The following POTEF variants were observed in gnomAD, a reference collection of about 807,000 sequenced individuals.
POTEF encodes the protein ANKRD26-like family C member 1B.
POTEF carries 20 observed loss-of-function variants against 83.2 expected under a neutral mutation model. That is an observed-to-expected ratio of 0.24 (90% CI 0.17 to 0.35). The LOEUF is 0.35. Among genes scored for constraint, POTEF ranks in the 10% least tolerant of loss-of-function variants. POTEF has a pLI of 1.00. For missense variants in POTEF, 550 were observed against 1,203.2 expected (o/e 0.46, Z 8.03); for synonymous variants, 196 against 446.4 (o/e 0.44, Z 7.07).
chr2:130,110,452 A>G, intron 7 of POTEF, 91 bp downstream of exon 7: 2 of 1,568,280 alleles, frequency 1.3e-6, no homozygotes, highest in South Asian at 2.4e-5. Flanking sequence ...GAACCAAACT[A>G]TGACATCTCA....
At chr2:130,122,053 T>C (rs926572927) in intron 2 of POTEF, among the ~76,000 whole-genome samples, 1 of 151,556 alleles carries the variant, frequency 6.6e-6, no homozygotes, top group African/African-American at 2.4e-5. Flanking sequence ...TTCTGGACAT[T>C]TCATGTAAGT....
chr2:130,109,008 G>A (rs1487926332), intron 7 of POTEF, among the ~76,000 whole-genome samples: 2 of 150,754 alleles, frequency 1.3e-5, no homozygotes, highest in South Asian at 2.1e-4. Flanking sequence ...TGTAATTTTC[G>A]ACATACATAC....
chr2:130,075,128 T>C lies in POTEF; in HGVS notation c.2344A>G (p.Met782Val). ...AAGGTGTGGTGCCAGATCTTCTCCA[T>C]GTCATCCCAGTTGGTGATGATGCCG... ...EHGIITNWDDMEKIWHHTFYN... is the reference protein window; with the variant it reads ...EHGIITNWDDVEKIWHHTFYN... The change falls in exon 17 of 17, where the codon ATG becomes GTG. Residue 782 changes from methionine (M) to valine (V), a missense_variant. Physicochemically the swap from Met to Val is conservative, Grantham distance 21. Transcript: ENST00000409914. The C allele has an allele frequency of 3.7e-6, 6 of 1,613,614 alleles. No homozygotes were observed. Among genetic ancestry groups the C allele is most frequent in the Non-Finnish European group, 5.1e-6 (6 of 1,179,920 alleles).
At chr2:130,109,177 T>G (rs1684633743) in intron 7 of POTEF, 1 of 151,200 alleles carries the variant, frequency 6.6e-6, no homozygotes, top group Non-Finnish European at 1.5e-5. Context: ...TCAGCAAAAA[T>G]AGTCAAATGA....
rs758593865 is a variant in POTEF at position 130,120,274 on chromosome 2, C to T, written c.242G>A (p.Gly81Asp). The change falls in exon 3 of 17, where the codon GGC becomes GAC. Residue 81 changes from glycine (G) to aspartate (D), a missense_variant. Transcript: ENST00000409914. ...AGAGTCGTCGTGGTCTCCAGAAGCGCCCACGTTGCTCTTGCCACTCCCCCT... is the reference window on the plus strand; with the variant it reads ...AGAGTCGTCGTGGTCTCCAGAAGCGTCCACGTTGCTCTTGCCACTCCCCCT... The part of the protein sequence containing the change: ...CCRGSGKSNV[G>D]ASGDHDDSAM... 4 of 1,607,266 alleles carry T rather than the reference C, an allele frequency of 2.5e-6. No homozygotes were observed. Among genetic ancestry groups the T allele is most frequent in the East Asian group, 2.2e-5 (1 of 44,642 alleles).
intron 2 of POTEF, among the ~76,000 whole-genome samples, chr2:130,125,992 A>G (rs1685082187): frequency 6.6e-6 from 1 of 151,684 alleles, no homozygotes; most frequent in Non-Finnish European, 1.5e-5. Flanking sequence ...GCTCAGGCAG[A>G]TGACAATACT....
chr2:130,116,520 T>C (rs999890797), intron 3 of POTEF, among the ~76,000 whole-genome samples: 1 of 145,514 alleles, frequency 6.9e-6, no homozygotes, highest in Admixed American at 7.1e-5. Context: ...CACCCTGTAA[T>C]AGGCCCCAGT....
At chr2:130,114,754 G>A in intron 5 of POTEF, 127 bp downstream of exon 5, 4 of 1,408,590 alleles carry the variant, frequency 2.8e-6, no homozygotes, top group Non-Finnish European at 2.9e-6. Context: ...AGATAATTAG[G>A]TCATTTCAAA....
intron 3 of POTEF, among the ~76,000 whole-genome samples, chr2:130,117,199 C>A (rs926128176): frequency 1.3e-4 from 20 of 151,700 alleles, no homozygotes; most frequent in Non-Finnish European, 2.6e-4. Flanking sequence ...TAATCTATAT[C>A]TAATGAAAAG....
intron 2 of POTEF, among the ~76,000 whole-genome samples, chr2:130,127,208 C>G (rs1685112185): frequency 6.6e-6 from 1 of 150,596 alleles, no homozygotes; most frequent in African/African-American, 2.5e-5. Flanking sequence ...GCCTGTAGTC[C>G]CAGCTACTAG....
intron 3 of POTEF, among the ~76,000 whole-genome samples, chr2:130,115,857 G>A (rs1167531447): frequency 6.6e-6 from 1 of 151,994 alleles, no homozygotes; most frequent in African/African-American, 2.4e-5. Context: ...AGCTAACATT[G>A]TATTTTAGTG....
At chr2:130,107,671 A>G in intron 8 of POTEF, 1 of 324,946 alleles carries the variant, frequency 3.1e-6, no homozygotes. Flanking sequence ...TGAACTGCCC[A>G]TCTGAGGGAT....
chr2:130,126,251 C>T (rs1316011772), intron 2 of POTEF, among the ~76,000 whole-genome samples: 4 of 136,850 alleles, frequency 2.9e-5, no homozygotes, highest in Non-Finnish European at 6.1e-5. Context: ...TGCAGTGAGC[C>T]GAGATCGCCC....
chr2:130,107,858 G>A lies in POTEF; in HGVS notation c.1126+151C>T, dbSNP rs1684585431. On this transcript the variant is annotated intron_variant, in intron 8 of 16. Coordinates refer to ENST00000409914, the MANE Select transcript of POTEF (RefSeq NM_001099771.2). ...TATTACAATGTGATAATAATATAAA[G>A]TAGCACAATAAATGTAACATGATTG... 6.0e-6 allele frequency: 4 copies of A among 666,292 alleles called. No individual in the cohort carries two copies. In the South Asian group the frequency reaches 7.9e-5, roughly 13 times the overall value. 41.3% of individuals were successfully genotyped at this position (666,292 alleles called of 1,614,324 possible).
intron 8 of POTEF, chr2:130,107,694 C>T (rs923467244): frequency 5.5e-6 from 2 of 362,442 alleles, no homozygotes; most frequent in Non-Finnish European, 1.0e-5. Flanking sequence ...AGGTTGTGTG[C>T]TTCGTATGAG....
At chr2:130,110,438 A>G in intron 7 of POTEF, 105 bp downstream of exon 7, 1 of 1,580,560 alleles carries the variant, frequency 6.3e-7, no homozygotes, top group African/African-American at 1.4e-5. Flanking sequence ...CGCGAAAACT[A>G]CCTGAACCAA....
At chr2:130,111,442 C>T (rs1197193942) in intron 6 of POTEF, among the ~76,000 whole-genome samples, 3 of 152,042 alleles carry the variant, frequency 2.0e-5, no homozygotes, top group Admixed American at 1.3e-4. Flanking sequence ...CATCAAAATA[C>T]ACTGGAAAAA....
At chr2:130,077,343 T>C (rs1683844583) in intron 15 of POTEF, 142 bp from the exon 16 acceptor site, 1 of 1,264,882 alleles carries the variant, frequency 7.9e-7, no homozygotes, top group African/African-American at 1.6e-5. Context: ...TCACATCTGT[T>C]AACCAGGTGT....
At chr2:130,113,535 T>C (rs1463838294) in intron 5 of POTEF, among the ~76,000 whole-genome samples, 5 of 32,976 alleles carry the variant, frequency 1.5e-4, no homozygotes, top group East Asian at 9.1e-4. Context: ...TCGTTGTTGT[T>C]GTTGTTGTTG....
Sources: gnomAD v4.1 joint callset for allele counts (sites outside exome capture counted in the v4.1 genomes callset) on GRCh38, gnomAD v4.1.1 for gene constraint, MANE v1.5 for transcripts, NCBI Gene and HGNC (gene_info 2026-07-23, HGNC 2026-07-21) for gene names.